Variants in PAAF1 observed in about 807,000 individuals in gnomAD.
PAAF1 encodes proteasomal ATPase-associated factor 1.
In PAAF1, 46 loss-of-function variants were observed where a neutral mutation model predicts 52.8. The ratio of observed to expected loss-of-function variants is 0.87; its 90% CI spans 0.69 to 1.11. PAAF1 has a LOEUF of 1.11. Among genes scored for constraint, PAAF1 ranks in the 50% most tolerant of loss-of-function variants. The pLI, the probability that PAAF1 is intolerant of heterozygous loss-of-function variation, is 0.00. For missense variants in PAAF1, 424 were observed against 477.4 expected (o/e 0.89, Z 1.04); for synonymous variants, 178 against 172.8 (o/e 1.03, Z -0.24).
At chr11:73,913,930 G>C (rs1443787695) in intron 7 of PAAF1, among the ~76,000 whole-genome samples, 1 of 151,942 alleles carries the variant, frequency 6.6e-6, no homozygotes, top group Admixed American at 6.6e-5. Context: ...CACACCTGTA[G>C]TCCCAGCTAC....
chr11:73,924,723 C>G, intron 11 of PAAF1, 26 bp downstream of exon 11: 1 of 1,580,580 alleles, frequency 6.3e-7, no homozygotes, highest in South Asian at 1.1e-5. Context: ...GACACCAGAC[C>G]TGGGTGATTC....
chr11:73,921,799 G>A, intron 10 of PAAF1: 1 of 1,172,026 alleles, frequency 8.5e-7, no homozygotes, highest in South Asian at 1.2e-5. Context: ...TTGTAAATAG[G>A]CCCTCATCAC....
chr11:73,882,257 G>A (rs983791320), intron 2 of PAAF1, among the ~76,000 whole-genome samples: 5 of 146,078 alleles, frequency 3.4e-5, no homozygotes, highest in African/African-American at 1.3e-4. Context: ...CTCGTGATCC[G>A]CTCCCTGGCC....
chr11:73,926,953 C>G (rs922380835), intron 11 of PAAF1, among the ~76,000 whole-genome samples: 2 of 152,124 alleles, frequency 1.3e-5, no homozygotes, highest in Non-Finnish European at 2.9e-5. Flanking sequence ...TTATAAGGTT[C>G]AAGAATAGTC....
chr11:73,885,628 G>T (rs189406150), intron 2 of PAAF1, among the ~76,000 whole-genome samples: 8,547 of 151,214 alleles, frequency 0.057, 264 homozygotes, highest in Middle Eastern at 0.11. Context: ...GATCACCTGA[G>T]GGGAGGAGCT....
intron 5 of PAAF1, among the ~76,000 whole-genome samples, chr11:73,899,622 G>A: frequency 6.6e-6 from 1 of 152,046 alleles, no homozygotes; most frequent in African/African-American, 2.4e-5. Flanking sequence ...ATGTCGGCCA[G>A]GCTGGTTTCC....
At chr11:73,892,251 AG>A (rs1435046092) in intron 4 of PAAF1, among the ~76,000 whole-genome samples, 3 of 147,744 alleles carry the variant, frequency 2.0e-5, no homozygotes. Context: ...TGAGCCCAGG[AG>A]GTTGAGGCTG....
intron 2 of PAAF1, 172 bp downstream of exon 2, chr11:73,878,991 G>C (rs1408951702): frequency 6.7e-6 from 3 of 447,072 alleles, no homozygotes; most frequent in Non-Finnish European, 1.2e-5. Flanking sequence ...CCAAGGGAAG[G>C]CCTTCAGATT....
intron 1 of PAAF1, 118 bp downstream of exon 1, chr11:73,877,186 A>C: frequency 9.3e-7 from 1 of 1,081,034 alleles, no homozygotes; most frequent in Non-Finnish European, 1.3e-6. Flanking sequence ...TTGTCGAGGG[A>C]TATGGAGGGA....
At chr11:73,903,175 T>C (rs1417771403) in intron 6 of PAAF1, among the ~76,000 whole-genome samples, 1 of 152,200 alleles carries the variant, frequency 6.6e-6, no homozygotes, top group Non-Finnish European at 1.5e-5. Context: ...TTAGAAGAAA[T>C]GACATGAAGT....
At chr11:73,918,466 CTCTT>C (rs1457916621) in intron 9 of PAAF1, among the ~76,000 whole-genome samples, 1 of 134,446 alleles carries the variant, frequency 7.4e-6, no homozygotes, top group Non-Finnish European at 1.6e-5. Flanking sequence ...ACTCAGCTTT[CTCTT>C]TCTTTTTTTT....
intron 2 of PAAF1, chr11:73,879,663 C>G (rs1329428875): frequency 6.6e-6 from 1 of 151,488 alleles, no homozygotes; most frequent in Non-Finnish European, 1.5e-5. Context: ...CTCAGGAGTT[C>G]GAGACCAGCC....
At chr11:73,876,953 C>T, upstream of PAAF1, 1 of 1,439,772 alleles carries the variant, frequency 6.9e-7, no homozygotes, top group Non-Finnish European at 9.2e-7. Flanking sequence ...TCTGTCCTCG[C>T]CGCACGCTTC....
chr11:73,929,239 A>C lies in PAAF1; in HGVS notation c.*1877A>C, dbSNP rs1950423760. ...TTTTTTAAATTTTTTGTAGAGACAG[A>C]GTCTCACCATGTTGCCCAGGCTGGT... On this transcript the variant is annotated 3_prime_UTR_variant, in exon 12 of 12. Coordinates refer to ENST00000310571, the MANE Select transcript of PAAF1 (RefSeq NM_025155.3). The C allele has an allele frequency of 6.8e-6, 1 of 147,282 alleles. No individual in the cohort carries two copies. Among genetic ancestry groups the C allele is most frequent in the South Asian group, 2.2e-4 (1 of 4,630 alleles). The allele number at this position is 147,282 out of a possible 1,614,324, so 9.1% of individuals were successfully genotyped here.
At chr11:73,877,163 G>T (rs892136362) in intron 1 of PAAF1, 95 bp downstream of exon 1, 7 of 1,281,124 alleles carry the variant, frequency 5.5e-6, no homozygotes, top group Non-Finnish European at 7.3e-6. Context: ...ATCAATAGGG[G>T]TTACTTCGTC....
chr11:73,913,700 G>GAAA (rs61429432), intron 7 of PAAF1, among the ~76,000 whole-genome samples: 1 of 134,280 alleles, frequency 7.4e-6, no homozygotes, highest in African/African-American at 2.6e-5. Flanking sequence ...GGTAAAAAAA[G>GAAA]AAAAAAAAAA....
At chr11:73,908,347 GTGTATATA>G (rs1290276121) in intron 6 of PAAF1, among the ~76,000 whole-genome samples, 16 of 144,342 alleles carry the variant, frequency 1.1e-4, no homozygotes, top group Admixed American at 7.7e-4. Context: ...GTGTATATAT[GTGTATATA>G]TGTGTGTATA....
At chr11:73,915,191 T>A (rs1950030939) in intron 8 of PAAF1, among the ~76,000 whole-genome samples, 2 of 152,182 alleles carry the variant, frequency 1.3e-5, no homozygotes, top group Non-Finnish European at 2.9e-5. Flanking sequence ...TGTTTTGTGA[T>A]CTTTGTTAAG....
At position 73,909,457 on chromosome 11, in the gene PAAF1, T is replaced by C. The variant is rs768348407; in HGVS notation, c.591T>C (p.Asp197=). Residue 197 remains aspartate (D), a synonymous_variant, in exon 7 of 12, where the codon GAT becomes GAC. Coordinates refer to ENST00000310571, the MANE Select transcript of PAAF1 (RefSeq NM_025155.3). ...GGAATGTGGTGTCTGCTTCTCGAGA[T>C]GGGACAGCACGACTTTGGGATTGTG... ...RGRNVVSASR[D]GTARLWDCGR... is the part of the protein sequence containing the mutation. 4 of 1,614,184 alleles carry C rather than the reference T, an allele frequency of 2.5e-6. No homozygotes were observed. The Admixed American group carries it at 6.7e-5, about 27-fold the overall frequency.
Sources: allele counts gnomAD v4.1 joint callset (sites outside exome capture counted in the v4.1 genomes callset), GRCh38; gene constraint gnomAD v4.1.1; transcripts MANE v1.5; gene names NCBI Gene and HGNC (gene_info 2026-07-23, HGNC 2026-07-21).